TNS1: variants seen among roughly 807,000 people sequenced by gnomAD.
TNS1 encodes tensin 1.
In TNS1, 62 loss-of-function variants were observed where a neutral mutation model predicts 168.6. The ratio of observed to expected loss-of-function variants is 0.37; its 90% CI spans 0.30 to 0.45. The LOEUF is 0.45. TNS1 is among the 20% of genes least tolerant of loss of function. TNS1 has a pLI of 1.00. For synonymous variants in TNS1, 934 were observed against 933.2 expected, an observed-to-expected ratio of 1.00 and a Z score of -0.02; for missense variants, 2,240 against 2,339.4, an observed-to-expected ratio of 0.96 and a Z score of 0.88.
At chr2:217,947,690 A>G (rs906792310) in intron 3 of TNS1, among the ~76,000 whole-genome samples, 9 of 152,182 alleles carry the variant, frequency 5.9e-5, no homozygotes, top group African/African-American at 2.4e-5. Flanking sequence ...AGCAGAGAAG[A>G]AAGGCGAGGA....
At chr2:217,804,934 C>G (rs1938182137) in intron 32 of TNS1, among the ~76,000 whole-genome samples, 1 of 152,074 alleles carries the variant, frequency 6.6e-6, no homozygotes, top group South Asian at 2.1e-4. Context: ...CATTCCTAGA[C>G]AGGCCTCTCC....
At chr2:217,876,421 C>A (rs7423039) in intron 18 of TNS1, among the ~76,000 whole-genome samples, 322 of 152,246 alleles carry the variant, frequency 2.1e-3, no homozygotes, top group African/African-American at 7.2e-3. Context: ...AGCACTGAGC[C>A]GGCAGGCTCC....
At chr2:217,849,813 G>A in intron 18 of TNS1, 1 of 985,438 alleles carries the variant, frequency 1.0e-6, no homozygotes, top group Non-Finnish European at 1.2e-6. Context: ...CACGGAAGCA[G>A]GGGGAGAACC....
At position 217,848,960 on chromosome 2, in the gene TNS1, G is replaced by A; in HGVS notation, c.1557C>T (p.Asn519=). ...ATRPTLSATP[N]HVEHTLSVSS... ...TCACAGAAAGCGTGTGTTCCACGTGGTTGGGGGTGGCCGACAGTGTAGGAC... is the reference window on the plus strand; with the variant it reads ...TCACAGAAAGCGTGTGTTCCACGTGATTGGGGGTGGCCGACAGTGTAGGAC... Residue 519 remains asparagine, a synonymous_variant, in exon 19 of 33, where the codon AAC becomes AAT. Coordinates refer to ENST00000682258, the MANE Select transcript of TNS1 (RefSeq NM_001387777.1). The A allele has an allele frequency of 6.2e-7, 1 of 1,614,166 alleles. No homozygotes were observed. The highest frequency in any genetic ancestry group is 1.7e-5 in the Admixed American group (1 of 60,028).
intron 21 of TNS1, among the ~76,000 whole-genome samples, chr2:217,834,410 A>T (rs1944887836): frequency 6.6e-6 from 1 of 152,148 alleles, no homozygotes; most frequent in Non-Finnish European, 1.5e-5. Context: ...GTATTAATCC[A>T]TCACTTCCTT....
At chr2:217,970,406 C>T (rs1000287916) in intron 3 of TNS1, among the ~76,000 whole-genome samples, 6 of 152,108 alleles carry the variant, frequency 3.9e-5, no homozygotes, top group African/African-American at 1.4e-4. Flanking sequence ...TACACACACC[C>T]AAGAGAAATG....
chr2:217,912,667 A>T (rs941819262), intron 4 of TNS1, among the ~76,000 whole-genome samples: 1 of 152,150 alleles, frequency 6.6e-6, no homozygotes. Context: ...GGGGCTAAAA[A>T]CAGAAGGGAA....
At chr2:217,812,334 T>G (rs1574572305) in intron 28 of TNS1, 34 bp downstream of exon 28, 3 of 1,582,898 alleles carry the variant, frequency 1.9e-6, no homozygotes, top group South Asian at 2.2e-5. Flanking sequence ...AGCTCAAGGG[T>G]GTGGGTGGTG....
At chr2:218,002,584 TG>T (rs1005952061) in intron 1 of TNS1, among the ~76,000 whole-genome samples, 52 of 1,518 alleles carry the variant, frequency 0.034, no homozygotes, top group African/African-American at 0.17. Flanking sequence ...GGGACTCCAT[TG>T]GGGGGTGGGG....
intron 12 of TNS1, among the ~76,000 whole-genome samples, chr2:217,890,134 A>G (rs1400167739): frequency 6.6e-6 from 1 of 152,138 alleles, no homozygotes; most frequent in Non-Finnish European, 1.5e-5. Context: ...GCAAAATGGG[A>G]TGCCTAGATC....
At chr2:218,006,164 C>T (rs1958655452), upstream of TNS1, among the ~76,000 whole-genome samples, 1 of 152,258 alleles carries the variant, frequency 6.6e-6, no homozygotes, top group African/African-American at 2.4e-5. Context: ...GCTGAAGAAA[C>T]AGAGTCAGGT....
intron 4 of TNS1, among the ~76,000 whole-genome samples, chr2:217,916,992 C>A (rs956765188): frequency 6.6e-6 from 1 of 152,188 alleles, no homozygotes; most frequent in African/African-American, 2.4e-5. Flanking sequence ...AATACAAACC[C>A]GCCCTTTCCT....
intron 1 of TNS1, among the ~76,000 whole-genome samples, chr2:217,993,613 G>A (rs1404871641): frequency 6.6e-6 from 1 of 152,232 alleles, no homozygotes; most frequent in African/African-American, 2.4e-5. Flanking sequence ...GAAAGGCTGA[G>A]GAGCTTTCCA....
At chr2:217,866,441 C>G (rs1949280044) in intron 18 of TNS1, among the ~76,000 whole-genome samples, 1 of 152,136 alleles carries the variant, frequency 6.6e-6, no homozygotes, top group Admixed American at 6.5e-5. Flanking sequence ...TGGCTTCAGG[C>G]TCCAAACTTG....
chr2:217,957,810 T>C (rs1002672466), intron 3 of TNS1, among the ~76,000 whole-genome samples: 2 of 140,160 alleles, frequency 1.4e-5, no homozygotes, highest in African/African-American at 5.6e-5. Flanking sequence ...AGTGATATAA[T>C]GTCTGGGGTT....
rs751896413 is a variant in TNS1, at chr2:217,818,305, T to A, written c.4027A>T (p.Thr1343Ser). The change falls in exon 24 of 33, where the codon ACC (threonine) becomes TCC (serine). Residue 1343 changes from threonine to serine, a missense_variant. Around this residue, in one of 2 missense-constraint regions of TNS1, gnomAD observed 2,131 missense variants for 2,171.2 expected, o/e 0.98. Transcript: ENST00000682258. ...TVSSPQSSAA[T>S]TPGSPSLCRH... is the part of the protein sequence containing the mutation. ...CACAGGCTGGGGCTCCCCGGGGTGG[T>A]CGCTGCACTGCTCTGGGGGCTGGAG... The A allele has an allele frequency of 1.9e-6, 3 of 1,613,536 alleles. No homozygotes were observed. The East Asian group carries it at 6.7e-5, about 36-fold the overall frequency.
Position 217,848,171 on chromosome 2 carries a change from C to A in TNS1, c.2346G>T (p.Gln782His), listed in dbSNP as rs761008694. ...LNSWQQQQQQQQQPRPPPRQQ... is the reference protein window; with the variant it reads ...LNSWQQQQQQHQQPRPPPRQQ... ...GGCGTGGAGGTGGGCGAGGCTGCTGCTGCTGCTGCTGCTGCTGCTGCCACG... is the reference window on the plus strand; with the variant it reads ...GGCGTGGAGGTGGGCGAGGCTGCTGATGCTGCTGCTGCTGCTGCTGCCACG... The change falls in exon 19 of 33, where the codon CAG becomes CAT. Residue 782 changes from glutamine to histidine, a missense_variant. Physicochemically the swap from Gln to His is conservative, Grantham distance 24. This residue lies in a region of TNS1 where 2,131 missense variants were observed against 2,171.2 expected (regional missense o/e 0.98). Coordinates refer to ENST00000682258, the MANE Select transcript of TNS1 (RefSeq NM_001387777.1). The A allele has an allele frequency of 1.2e-6, 2 of 1,600,350 alleles. No individual in the cohort carries two copies. The highest frequency in any genetic ancestry group is 2.7e-5 in the African/African-American group (2 of 74,768).
chr2:217,831,055 G>A (rs1248473339), intron 22 of TNS1, among the ~76,000 whole-genome samples: 1 of 152,182 alleles, frequency 6.6e-6, no homozygotes, highest in Admixed American at 6.5e-5. Context: ...ACAGCAGCAG[G>A]GGCATGCTTC....
chr2:217,825,256 G>A (rs1312615700), intron 22 of TNS1, among the ~76,000 whole-genome samples: 1 of 152,128 alleles, frequency 6.6e-6, no homozygotes. Context: ...AGGAGGGACT[G>A]GCAGGGTATG....
Sources: allele counts gnomAD v4.1 joint callset (sites outside exome capture counted in the v4.1 genomes callset), GRCh38; gene constraint gnomAD v4.1.1; regional missense constraint gnomAD v4.1.1; transcripts MANE v1.5; gene names NCBI Gene and HGNC (gene_info 2026-07-23, HGNC 2026-07-21).